CDH20: variants seen among roughly 807,000 people sequenced by gnomAD.
CDH20 encodes the protein cadherin-20.
A neutral mutation model predicts 74.2 loss-of-function variants in CDH20; 29 were observed. The ratio of observed to expected loss-of-function variants is 0.39; its 90% CI spans 0.29 to 0.53. CDH20 has a LOEUF of 0.53. CDH20 is among the 20% of genes least tolerant of loss of function. The probability of loss-of-function intolerance (pLI) is 0.69; values close to 1 mark genes in which losing one functional copy is unlikely to be tolerated. For synonymous variants in CDH20, 469 were observed against 405.4 expected (o/e 1.16, Z -1.88); for missense variants, 988 against 1,048.3 (o/e 0.94, Z 0.79).
At position 61,554,193 on chromosome 18, in the gene CDH20, T is replaced by C; in HGVS notation, c.1904T>C (p.Leu635Pro). 2 of 1,608,690 alleles carry C rather than the reference T, an allele frequency of 1.2e-6. No homozygotes were observed. Among genetic ancestry groups the C allele is most frequent in the Non-Finnish European group, 1.7e-6 (2 of 1,175,846 alleles). The change falls in exon 12 of 12, where the codon CTG becomes CCG. Residue 635 changes from leucine to proline, a missense_variant. Leu to Pro is a moderately conservative substitution (Grantham distance 98). Coordinates refer to ENST00000262717, the MANE Select transcript of CDH20 (RefSeq NM_031891.4). Reference sequence around the variant, plus strand: ...CTCTCCTTTTTGTTCCTGGCAGTGCTGGTGTTGCTCATTTTGTCCATGAGG... The same window carrying C: ...CTCTCCTTTTTGTTCCTGGCAGTGCCGGTGTTGCTCATTTTGTCCATGAGG... ...ILACIFVLLV[L>P]VLLILSMRRH...
At chr18:61,412,367 A>T (rs1912541500) in intron 1 of CDH20, among the ~76,000 whole-genome samples, 2 of 152,186 alleles carry the variant, frequency 1.3e-5, no homozygotes, top group Admixed American at 1.3e-4. Context: ...GGAAATTCAC[A>T]CTGCTGTTGA....
At chr18:61,423,859 A>G (rs1017903161) in intron 1 of CDH20, among the ~76,000 whole-genome samples, 9 of 152,256 alleles carry the variant, frequency 5.9e-5, no homozygotes, top group African/African-American at 2.2e-4. Flanking sequence ...AAATACAAAA[A>G]TTAATTAAAG....
intron 1 of CDH20, among the ~76,000 whole-genome samples, chr18:61,455,094 A>G (rs1481627780): frequency 1.3e-5 from 2 of 152,176 alleles, no homozygotes; most frequent in Non-Finnish European, 2.9e-5. Flanking sequence ...TATGATTTCT[A>G]TTTTTAAGGT....
intron 11 of CDH20, 105 bp from the exon 12 acceptor site, chr18:61,554,085 C>T: frequency 7.2e-7 from 1 of 1,381,766 alleles, no homozygotes; most frequent in Non-Finnish European, 9.9e-7. Flanking sequence ...GAGCCCTCCA[C>T]TCGGTAGCCC....
intron 1 of CDH20, among the ~76,000 whole-genome samples, chr18:61,475,765 CTT>C (rs1910355904): frequency 1.3e-5 from 2 of 152,164 alleles, no homozygotes; most frequent in Admixed American, 6.5e-5. Context: ...GATGTTTTCT[CTT>C]TTGTTATGCC....
At position 61,507,469 on chromosome 18, in the gene CDH20, T is replaced by C. The variant is rs1475802572; in HGVS notation, c.926T>C (p.Met309Thr). The C allele has an allele frequency of 1.9e-6, 3 of 1,613,938 alleles. No individual in the cohort carries two copies. The highest frequency in any genetic ancestry group is 1.7e-5 in the Admixed American group (1 of 60,002). Residue 309 changes from methionine to threonine, a missense_variant, in exon 6 of 12, where the codon ATG (methionine) becomes ACG (threonine). By Grantham distance (81) the Met-to-Thr change is moderately conservative. Around this residue, in one of 2 missense-constraint regions of CDH20, gnomAD observed 613 missense variants for 755.2 expected, o/e 0.81. Coordinates refer to ENST00000262717, the MANE Select transcript of CDH20 (RefSeq NM_031891.4). ...TTGGATGAAGGCATCAATGCAGAGA[T>C]GAAATATACTATTGTGGATGGAGAT... ...KDLDEGINAE[M>T]KYTIVDGDGA... is the part of the protein sequence containing the mutation.
intron 1 of CDH20, among the ~76,000 whole-genome samples, chr18:61,381,953 C>T (rs1911445634): frequency 1.3e-5 from 2 of 152,118 alleles, no homozygotes; most frequent in African/African-American, 4.8e-5. Flanking sequence ...GTCCTTGACC[C>T]TTCTGTCACT....
intron 1 of CDH20, among the ~76,000 whole-genome samples, chr18:61,393,739 T>C (rs1911869162): frequency 6.6e-6 from 1 of 152,248 alleles, no homozygotes; most frequent in African/African-American, 2.4e-5. Flanking sequence ...TTCATAAGTT[T>C]AGGTAATCAT....
At chr18:61,382,234 T>C (rs993584920) in intron 1 of CDH20, among the ~76,000 whole-genome samples, 6 of 152,178 alleles carry the variant, frequency 3.9e-5, no homozygotes, top group Admixed American at 6.5e-5. Context: ...CGGATCACTT[T>C]CCTCCTTAAG....
intron 7 of CDH20, among the ~76,000 whole-genome samples, chr18:61,533,424 T>C (rs370025653): frequency 2.0e-5 from 3 of 152,242 alleles, no homozygotes; most frequent in African/African-American, 4.8e-5. Context: ...GTGTATTAAG[T>C]ACATAGTAAA....
At chr18:61,365,750 A>G (rs1304139866) in intron 1 of CDH20, among the ~76,000 whole-genome samples, 2 of 152,176 alleles carry the variant, frequency 1.3e-5, no homozygotes. Context: ...TAAGCAGGCA[A>G]ATGTTTTCTG....
intron 1 of CDH20, among the ~76,000 whole-genome samples, chr18:61,428,854 C>T (rs969178873): frequency 6.6e-6 from 1 of 152,234 alleles, no homozygotes; most frequent in Non-Finnish European, 1.5e-5. Flanking sequence ...GGGGCCCACC[C>T]ACCAGCCCTC....
At chr18:61,519,612 C>T (rs1912119020) in intron 6 of CDH20, among the ~76,000 whole-genome samples, 1 of 151,236 alleles carries the variant, frequency 6.6e-6, no homozygotes, top group African/African-American at 2.5e-5. Flanking sequence ...AAAAGAACTC[C>T]TCAAGGAAGC....
At chr18:61,489,684 T>A (rs1910887278) in intron 1 of CDH20, among the ~76,000 whole-genome samples, 1 of 152,068 alleles carries the variant, frequency 6.6e-6, no homozygotes, top group African/African-American at 2.4e-5. Flanking sequence ...CATAGGCATG[T>A]GACTAATAGC....
chr18:61,446,938 C>T (rs764184933), intron 1 of CDH20, among the ~76,000 whole-genome samples: 22 of 152,174 alleles, frequency 1.4e-4, no homozygotes, highest in African/African-American at 2.9e-4. Context: ...GTTACATCCA[C>T]GAGAGCCATG....
intron 1 of CDH20, among the ~76,000 whole-genome samples, chr18:61,442,807 T>C (rs1028461776): frequency 6.6e-6 from 1 of 152,120 alleles, no homozygotes; most frequent in East Asian, 1.9e-4. Context: ...TTGGGAAGGT[T>C]AGCAGTAATT....
intron 1 of CDH20, among the ~76,000 whole-genome samples, chr18:61,354,295 G>A (rs893303842): frequency 8.5e-5 from 13 of 152,108 alleles, no homozygotes; most frequent in East Asian, 7.8e-4. Context: ...CAAAAGTCAC[G>A]CAAGCCTCTG....
chr18:61,498,491 T>C (rs913429416), intron 2 of CDH20, among the ~76,000 whole-genome samples: 10 of 151,606 alleles, frequency 6.6e-5, no homozygotes, highest in African/African-American at 1.9e-4. Flanking sequence ...CATCCACATA[T>C]AGATTTAAGT....
At chr18:61,400,736 A>G (rs1033148006) in intron 1 of CDH20, among the ~76,000 whole-genome samples, 2 of 152,212 alleles carry the variant, frequency 1.3e-5, no homozygotes, top group African/African-American at 2.4e-5. Flanking sequence ...GTTCTTGTGT[A>G]AAGATATCAA....
Sources: gnomAD v4.1 joint callset for allele counts (sites outside exome capture counted in the v4.1 genomes callset) on GRCh38, gnomAD v4.1.1 for gene constraint, gnomAD v4.1.1 regional missense constraint, MANE v1.5 for transcripts, NCBI Gene and HGNC (gene_info 2026-07-23, HGNC 2026-07-21) for gene names.